TBC1D14: variants seen among roughly 807,000 people sequenced by gnomAD.
The protein encoded by TBC1D14 is TBC1 domain family, member 14.
In TBC1D14, 26 loss-of-function variants were observed where a neutral mutation model predicts 79.0. The observed-to-expected ratio is 0.33, with a 90% confidence interval of 0.24 to 0.46. The LOEUF (loss-of-function observed/expected upper bound fraction) is 0.46, where lower values mean the gene tolerates loss of function less well. TBC1D14 is among the 20% of genes least tolerant of loss of function. The probability of loss-of-function intolerance (pLI) is 1.00; values close to 1 mark genes in which losing one functional copy is unlikely to be tolerated. For synonymous variants in TBC1D14, 394 were observed against 349.9 expected (o/e 1.13, Z -1.40); for missense variants, 769 against 887.6 (o/e 0.87, Z 1.70).
At chr4:6,991,595 T>C (rs890744762) in intron 3 of TBC1D14, among the ~76,000 whole-genome samples, 1 of 152,256 alleles carries the variant, frequency 6.6e-6, no homozygotes, top group African/African-American at 2.4e-5. Context: ...TTGGGCCATC[T>C]GACCACAGCC....
At chr4:6,977,921 T>C (rs1181413658) in intron 3 of TBC1D14, among the ~76,000 whole-genome samples, 2 of 150,474 alleles carry the variant, frequency 1.3e-5, no homozygotes, top group Non-Finnish European at 3.0e-5. Context: ...GGAGCGTCTC[T>C]GCCCGGCCGC....
chr4:7,006,891 T>A (rs1254699753), intron 9 of TBC1D14, among the ~76,000 whole-genome samples, 165 bp downstream of exon 9: 1 of 152,198 alleles, frequency 6.6e-6, no homozygotes, highest in Non-Finnish European at 1.5e-5. Flanking sequence ...TTAAAATAAG[T>A]GTAACTGATC....
At chr4:6,961,071 C>T (rs1233824795) in intron 2 of TBC1D14, among the ~76,000 whole-genome samples, 1 of 152,168 alleles carries the variant, frequency 6.6e-6, no homozygotes, top group Non-Finnish European at 1.5e-5. Context: ...GAAAAATGGA[C>T]ACGCCATTAT....
At chr4:6,935,896 G>T (rs1349455827) in intron 2 of TBC1D14, among the ~76,000 whole-genome samples, 3 of 152,126 alleles carry the variant, frequency 2.0e-5, no homozygotes, top group African/African-American at 7.2e-5. Flanking sequence ...CACCCACCTC[G>T]GCCTCCCAAA....
intron 2 of TBC1D14, among the ~76,000 whole-genome samples, chr4:6,951,118 CCT>C (rs1713996798): frequency 6.6e-6 from 1 of 151,902 alleles, no homozygotes; most frequent in Non-Finnish European, 1.5e-5. Flanking sequence ...GGTGAAACAC[CCT>C]GTCTCTACTA....
intron 5 of TBC1D14, chr4:6,998,862 G>T (rs1228789339): frequency 5.9e-6 from 3 of 504,710 alleles, no homozygotes; most frequent in Non-Finnish European, 1.1e-5. Context: ...TCTTCTTTGT[G>T]TACTTTCCTG....
chr4:6,940,770 C>T (rs1712830109), intron 2 of TBC1D14, among the ~76,000 whole-genome samples: 1 of 152,180 alleles, frequency 6.6e-6, no homozygotes, highest in African/African-American at 2.4e-5. Context: ...GGCGGCTGGA[C>T]ACAGTGCTCT....
intron 1 of TBC1D14, among the ~76,000 whole-genome samples, chr4:6,913,023 C>A (rs555181241): frequency 6.6e-6 from 1 of 152,148 alleles, no homozygotes; most frequent in Non-Finnish European, 1.5e-5. Context: ...GACAGCGTTT[C>A]GCTCTTGTTG....
Position 6,923,368 on chromosome 4 carries a change from T to C in TBC1D14, c.-17-5T>C, listed in dbSNP as rs1163975593. On this transcript the variant is annotated splice_polypyrimidine_tract_variant and splice_region_variant and intron_variant, in intron 1 of 13. Transcript: ENST00000409757. Reference sequence around the variant, plus strand: ...CTTTAATTTCCATGTTTGTGTTTTTTCTAGTTTCTCCTTGGACCAAGATGA... The same window carrying C: ...CTTTAATTTCCATGTTTGTGTTTTTCCTAGTTTCTCCTTGGACCAAGATGA... The C allele has an allele frequency of 6.4e-7, 1 of 1,569,804 alleles. No individual in the cohort carries two copies. Among genetic ancestry groups the C allele is most frequent in the Non-Finnish European group, 8.6e-7 (1 of 1,159,582 alleles).
At chr4:6,950,974 A>G (rs1713982990) in intron 2 of TBC1D14, among the ~76,000 whole-genome samples, 1 of 152,190 alleles carries the variant, frequency 6.6e-6, no homozygotes, top group South Asian at 2.1e-4. Context: ...TGGTGATTAC[A>G]TGAACCTACC....
chr4:6,951,980 C>T (rs919172728), intron 2 of TBC1D14, among the ~76,000 whole-genome samples: 1 of 152,096 alleles, frequency 6.6e-6, no homozygotes, highest in Non-Finnish European at 1.5e-5. Flanking sequence ...GATGAGGCGG[C>T]AGGGCTGGGA....
At chr4:6,996,268 C>G in intron 4 of TBC1D14, 57 bp from the exon 5 acceptor site, 1 of 1,427,378 alleles carries the variant, frequency 7.0e-7, no homozygotes, top group Non-Finnish European at 9.8e-7. Context: ...CAGGTTTTTT[C>G]TGAAAGACTT....
intron 7 of TBC1D14, among the ~76,000 whole-genome samples, chr4:7,001,674 G>T (rs1300669451): frequency 1.3e-5 from 2 of 152,182 alleles, no homozygotes; most frequent in Non-Finnish European, 1.5e-5. Context: ...ACAACATACT[G>T]TGCTGGGACT....
chr4:6,998,556 T>G (rs901106838), intron 5 of TBC1D14, among the ~76,000 whole-genome samples: 2 of 152,002 alleles, frequency 1.3e-5, no homozygotes, highest in Non-Finnish European at 2.9e-5. Context: ...CTTTTTTTTT[T>G]GAGGTGTAGT....
At chr4:6,913,873 A>G (rs2108896404) in intron 1 of TBC1D14, among the ~76,000 whole-genome samples, 1 of 152,294 alleles carries the variant, frequency 6.6e-6, no homozygotes, top group East Asian at 1.9e-4. Flanking sequence ...TCATGCCTCT[A>G]ATCCCAGCAG....
intron 5 of TBC1D14, among the ~76,000 whole-genome samples, chr4:6,997,880 G>GCCCCCA (rs1719226934): frequency 6.6e-6 from 1 of 152,182 alleles, no homozygotes; most frequent in African/African-American, 2.4e-5. Context: ...GGAGTAGGAA[G>GCCCCCA]TTAGTATTTA....
intron 8 of TBC1D14, among the ~76,000 whole-genome samples, chr4:7,006,052 C>T (rs1277854458): frequency 6.6e-6 from 1 of 152,096 alleles, no homozygotes; most frequent in Non-Finnish European, 1.5e-5. Flanking sequence ...AGAGATACTA[C>T]ACACTGGCTG....
chr4:6,998,984 G>T (rs896976107), intron 5 of TBC1D14, 101 bp from the exon 6 acceptor site: 1 of 1,063,566 alleles, frequency 9.4e-7, no homozygotes, highest in Non-Finnish European at 1.4e-6. Flanking sequence ...GCTTCAGGGC[G>T]GTTTTCCTGG....
chr4:6,919,683 C>T (rs1373548542), intron 1 of TBC1D14, among the ~76,000 whole-genome samples: 1 of 151,274 alleles, frequency 6.6e-6, no homozygotes, highest in Non-Finnish European at 1.5e-5. Context: ...TGCAGTGGTG[C>T]TATCTCGGCT....
Sources: gnomAD v4.1 joint callset for allele counts (sites outside exome capture counted in the v4.1 genomes callset) on GRCh38, gnomAD v4.1.1 for gene constraint, MANE v1.5 for transcripts, NCBI Gene and HGNC (gene_info 2026-07-23, HGNC 2026-07-21) for gene names.